PDE3B: variants seen among roughly 807,000 people sequenced by gnomAD.
PDE3B encodes the protein phosphodiesterase 3B, also known as cGMP-inhibited 3',5'-cyclic phosphodiesterase 3B.
Under a neutral mutation model 116.8 loss-of-function variants are expected in PDE3B, and 66 were observed. The ratio of observed to expected loss-of-function variants is 0.56; its 90% CI spans 0.46 to 0.69. PDE3B has a LOEUF of 0.69. Among genes scored for constraint, PDE3B ranks in the 30% least tolerant of loss-of-function variants. The pLI is 0.00. For missense variants in PDE3B, 1,384 were observed against 1,368.1 expected, an observed-to-expected ratio of 1.01 and a Z score of -0.18; for synonymous variants, 595 against 533.6, an observed-to-expected ratio of 1.12 and a Z score of -1.59.
Position 14,850,936 on chromosome 11 carries a change from A to C in PDE3B, c.2520+6910A>C, listed in dbSNP as rs147237218. Reference sequence around the variant, plus strand: ...CTCCGCCCCCCAGGTTCATGCCATTATCCTGCCTCAGTCTTTGGAGTAGCT... The same window carrying C: ...CTCCGCCCCCCAGGTTCATGCCATTCTCCTGCCTCAGTCTTTGGAGTAGCT... On this transcript the variant is annotated intron_variant, in intron 12 of 15. Coordinates refer to ENST00000282096, the MANE Select transcript of PDE3B (RefSeq NM_000922.4). Among the ~76,000 whole-genome samples the C allele has an allele frequency of 4.7e-3, 700 of 148,178 alleles. 4 individuals carry two copies. The highest frequency in any genetic ancestry group is 0.016 in the African/African-American group (639 of 39,886).
intron 4 of PDE3B, among the ~76,000 whole-genome samples, chr11:14,801,832 C>G (rs1858778447): frequency 6.6e-6 from 1 of 152,210 alleles, no homozygotes; most frequent in Non-Finnish European, 1.5e-5. Context: ...GATGCCCTGC[C>G]CAGAGTGGAG....
chr11:14,831,674 T>C lies in PDE3B; in HGVS notation c.1991T>C (p.Val664Ala), dbSNP rs1351709706. The C allele has an allele frequency of 6.3e-7, 1 of 1,592,018 alleles. No individual in the cohort carries two copies. Among genetic ancestry groups the C allele is most frequent in the East Asian group, 2.3e-5 (1 of 44,176 alleles). Residue 664 changes from valine (V) to alanine (A), a missense_variant, in exon 9 of 16, where the codon GTA (valine) becomes GCA (alanine). By Grantham distance (64) the Val-to-Ala change is moderately conservative (BLOSUM62 0). Around this residue, in one of 2 missense-constraint regions of PDE3B, gnomAD observed 428 missense variants for 561.4 expected, o/e 0.76. Transcript: ENST00000282096. ...EQEVSLDLIL[V>A]EEYDSLIEKM... ...GAAGTATCACTGGACCTGATTTTAG[T>C]AGAAGAGTATGACTCATTAATAGAA...
intron 1 of PDE3B, among the ~76,000 whole-genome samples, chr11:14,723,986 T>C (rs1179405524): frequency 3.3e-5 from 5 of 152,196 alleles, no homozygotes; most frequent in Non-Finnish European, 1.5e-5. Flanking sequence ...TTAACAGATA[T>C]TATGTTAAGG....
intron 12 of PDE3B, among the ~76,000 whole-genome samples, chr11:14,847,072 T>C (rs572017648): frequency 9.2e-5 from 14 of 152,204 alleles, no homozygotes; most frequent in African/African-American, 2.9e-4. Flanking sequence ...TATTCCAAAA[T>C]TGACCATATA....
chr11:14,798,935 G>C (rs1370742533), intron 4 of PDE3B, among the ~76,000 whole-genome samples: 1 of 152,002 alleles, frequency 6.6e-6, no homozygotes, highest in African/African-American at 2.4e-5. Flanking sequence ...ATCTCCTTCA[G>C]TTCTGTTCTG....
At chr11:14,687,118 A>G (rs994528293) in intron 1 of PDE3B, among the ~76,000 whole-genome samples, 5 of 152,190 alleles carry the variant, frequency 3.3e-5, no homozygotes, top group Non-Finnish European at 7.4e-5. Context: ...ATGCCTTCCA[A>G]CTATCCATGT....
intron 7 of PDE3B, among the ~76,000 whole-genome samples, chr11:14,821,891 G>T (rs1460933883): frequency 1.3e-5 from 2 of 151,466 alleles, no homozygotes; most frequent in East Asian, 1.9e-4. Flanking sequence ...CAACTCCAAT[G>T]ATTACTCTTA....
At chr11:14,716,117 G>C (rs1476710435) in intron 1 of PDE3B, among the ~76,000 whole-genome samples, 1 of 152,182 alleles carries the variant, frequency 6.6e-6, no homozygotes, top group Non-Finnish European at 1.5e-5. Context: ...GGAAGCGCAA[G>C]GGGTCAGGGA....
At chr11:14,744,827 A>C (rs895098601) in intron 1 of PDE3B, among the ~76,000 whole-genome samples, 25 of 152,208 alleles carry the variant, frequency 1.6e-4, no homozygotes, top group African/African-American at 6.0e-4. Flanking sequence ...TAACATTATA[A>C]GGATAATTTT....
chr11:14,867,854 T>G (rs1194587801), intron 15 of PDE3B, 96 bp downstream of exon 15: 32 of 1,035,400 alleles, frequency 3.1e-5, no homozygotes, highest in Non-Finnish European at 4.3e-5. Flanking sequence ...AATCCAAAAT[T>G]TTTTGAGTGC....
intron 9 of PDE3B, 60 bp from the exon 10 acceptor site, chr11:14,832,662 A>G (rs1407217446): frequency 1.6e-6 from 1 of 644,696 alleles, no homozygotes; most frequent in African/African-American, 1.9e-5. Flanking sequence ...AAAACATTAT[A>G]CTCAGCTACA....
rs1216505411 is a variant in PDE3B, at chr11:14,871,134, T to G, written c.*1474T>G. 6.6e-6 allele frequency: 1 copy of G among 152,184 alleles called. No homozygotes were observed. The highest frequency in any genetic ancestry group is 2.4e-5 in the African/African-American group (1 of 41,458). 9.4% of individuals were successfully genotyped at this position (152,184 alleles called of 1,614,324 possible). On this transcript the variant is annotated 3_prime_UTR_variant, in exon 16 of 16. Transcript: ENST00000282096. ...TTTAGAATATGGTATTGGCATGCAG[T>G]TTCTTACTTATCTAGAATATTTGGC...
At position 14,708,176 on chromosome 11, in the gene PDE3B, G is replaced by C. The variant is rs1007999155; in HGVS notation, c.978+63123G>C. ...AGTGAGTTCTCCATTAATTCCTGGA[G>C]GAGCTTGTTGTTAAAAAGAGCCTGG... On this transcript the variant is annotated intron_variant, in intron 1 of 15. Transcript: ENST00000282096. 2.5e-4 allele frequency among the ~76,000 whole-genome samples: 38 copies of C among 152,104 alleles called. 1 individual carries two copies. Among genetic ancestry groups the C allele is most frequent in the African/African-American group, 8.9e-4 (37 of 41,526 alleles).
intron 1 of PDE3B, among the ~76,000 whole-genome samples, chr11:14,655,202 C>T (rs1445031984): frequency 6.6e-6 from 1 of 151,832 alleles, no homozygotes; most frequent in African/African-American, 2.4e-5. Flanking sequence ...ATATTAATAT[C>T]AGAAAAACTG....
intron 7 of PDE3B, among the ~76,000 whole-genome samples, chr11:14,826,068 C>A (rs75856879): frequency 6.6e-6 from 1 of 152,050 alleles, no homozygotes; most frequent in Non-Finnish European, 1.5e-5. Flanking sequence ...TTTTTTAATA[C>A]GAATGAGAAC....
At chr11:14,668,567 CAA>C (rs994838557) in intron 1 of PDE3B, among the ~76,000 whole-genome samples, 5 of 152,072 alleles carry the variant, frequency 3.3e-5, no homozygotes, top group African/African-American at 4.8e-5. Context: ...AAGCATGAAG[CAA>C]AGAGTCTAGT....
At chr11:14,892,218 G>C in the PDE3B span, 2 of 1,607,330 alleles carry the variant, frequency 1.2e-6, no homozygotes, top group Non-Finnish European at 1.7e-6. Context: ...GCCCGAGCTG[G>C]AGGTGCGAAC....
At chr11:14,649,616 G>C (rs959699436) in intron 1 of PDE3B, among the ~76,000 whole-genome samples, 1 of 152,168 alleles carries the variant, frequency 6.6e-6, no homozygotes, top group Non-Finnish European at 1.5e-5. Flanking sequence ...AAAGGAGGTA[G>C]GCAAGAAGTG....
In PDE3B at chr11:14,867,622, C is replaced by T. The variant is rs1386629637; in HGVS notation, c.3003C>T (p.Asn1001=). 6.2e-7 allele frequency: 1 copy of T among 1,613,972 alleles called. No individual in the cohort carries two copies. Among genetic ancestry groups the T allele is most frequent in the African/African-American group, 1.3e-5 (1 of 74,906 alleles). The part of the protein sequence containing the change: ...FITHIVGPLC[N]SYDAAGLLPG... ...CCCACATAGTGGGTCCCCTGTGTAA[C>T]TCCTATGATGCTGCTGGTTTGCTAC... The change falls in exon 15 of 16, where the codon AAC becomes AAT. Residue 1001 remains asparagine, a synonymous_variant. Transcript: ENST00000282096.
Sources: gnomAD v4.1 joint callset for allele counts (sites outside exome capture counted in the v4.1 genomes callset) on GRCh38, gnomAD v4.1.1 for gene constraint, gnomAD v4.1.1 regional missense constraint, MANE v1.5 for transcripts, NCBI Gene and HGNC (gene_info 2026-07-23, HGNC 2026-07-21) for gene names.